GK5: variants seen among roughly 807,000 people sequenced by gnomAD.
The protein encoded by GK5 is glycerol kinase 5.
GK5 carries 39 observed loss-of-function variants against 77.3 expected under a neutral mutation model. That is an observed-to-expected ratio of 0.50 (90% CI 0.39 to 0.66). The LOEUF (loss-of-function observed/expected upper bound fraction) is 0.66, where lower values mean the gene tolerates loss of function less well. Ranked by LOEUF, GK5 falls within the 30% of genes least tolerant of loss-of-function variation. The pLI is 0.00. For synonymous variants in GK5, 211 were observed against 208.0 expected (o/e 1.01, Z -0.13); for missense variants, 487 against 633.8 (o/e 0.77, Z 2.49).
chr3:142,197,329 T>C (rs1042003158), intron 5 of GK5, among the ~76,000 whole-genome samples: 2 of 152,218 alleles, frequency 1.3e-5, no homozygotes, highest in African/African-American at 4.8e-5. Flanking sequence ...AACTGTTATA[T>C]ATTTATGATG....
intron 1 of GK5, among the ~76,000 whole-genome samples, chr3:142,220,957 G>C (rs929591130): frequency 6.6e-6 from 1 of 152,168 alleles, no homozygotes; most frequent in Non-Finnish European, 1.5e-5. Flanking sequence ...GAGAACGTAA[G>C]AGATTTATTT....
At chr3:142,211,601 A>G (rs1279193730) in intron 3 of GK5, among the ~76,000 whole-genome samples, 9 of 152,166 alleles carry the variant, frequency 5.9e-5, no homozygotes, top group Non-Finnish European at 1.0e-4. Context: ...AGAACAGTCT[A>G]GGCAACATGG....
chr3:142,178,667 A>G (rs1204714015), intron 11 of GK5, among the ~76,000 whole-genome samples: 1 of 152,250 alleles, frequency 6.6e-6, no homozygotes, highest in African/African-American at 2.4e-5. Flanking sequence ...TTATTCTATT[A>G]GTGATATACA....
intron 5 of GK5, among the ~76,000 whole-genome samples, chr3:142,189,265 T>C (rs2063816353): frequency 1.3e-5 from 2 of 151,922 alleles, no homozygotes; most frequent in African/African-American, 4.8e-5. Flanking sequence ...GAAAAGCAAA[T>C]GGAAACATTT....
chr3:142,203,698 C>T (rs920583129), intron 4 of GK5, among the ~76,000 whole-genome samples: 3 of 152,126 alleles, frequency 2.0e-5, no homozygotes, highest in Non-Finnish European at 2.9e-5. Flanking sequence ...CACGTGAACC[C>T]AGGAGGCAGA....
intron 6 of GK5, among the ~76,000 whole-genome samples, chr3:142,186,718 C>T (rs1232133728): frequency 6.6e-6 from 1 of 150,986 alleles, no homozygotes; most frequent in Non-Finnish European, 1.5e-5. Context: ...GCAACCTCTG[C>T]CTCCCGGGTT....
At position 142,186,286 on chromosome 3, in the gene GK5, C is replaced by T; in HGVS notation, c.682-19G>A. On this transcript the variant is annotated intron_variant, in intron 7 of 15. Transcript: ENST00000392993. ...AACACATCTGAGCATAAAAACGTAT[C>T]ATCAGAATATACATATTTACATATA... The T allele has an allele frequency of 1.3e-6, 2 of 1,506,672 alleles. No individual in the cohort carries two copies. The highest frequency in any genetic ancestry group is 1.8e-6 in the Non-Finnish European group (2 of 1,083,480). 93.3% of individuals were successfully genotyped at this position (1,506,672 alleles called of 1,614,324 possible). A position where few individuals can be genotyped will look rare whatever the true frequency, so the allele number is the denominator to read the frequency against.
intron 12 of GK5, chr3:142,173,132 T>C: frequency 2.4e-6 from 1 of 416,748 alleles, no homozygotes; most frequent in Non-Finnish European, 4.7e-6. Flanking sequence ...GCCCAGGGGT[T>C]TGAGGCTGCA....
intron 1 of GK5, among the ~76,000 whole-genome samples, chr3:142,220,952 C>T (rs963081934): frequency 7.2e-5 from 11 of 152,052 alleles, no homozygotes; most frequent in Admixed American, 6.6e-4. Context: ...AGAAAGAGAA[C>T]GTAAGAGATT....
chr3:142,181,532 T>G lies in GK5; in HGVS notation c.977A>C (p.Gln326Pro). The change falls in exon 11 of 16, where the codon CAA (glutamine) becomes CCA (proline). Residue 326 changes from glutamine (Q) to proline (P), a missense_variant. By Grantham distance (76) the Gln-to-Pro change is moderately conservative (BLOSUM62 -1). Coordinates refer to ENST00000392993, the MANE Select transcript of GK5 (RefSeq NM_001039547.3). ...GCTTTCAGCTAAGCATACGACTTCT[T>G]GCCCAATCTTCCACCCAATTAATGG... ...FYPLIGWKIG[Q>P]EVVCLAESNA... 6.2e-7 allele frequency: 1 copy of G among 1,613,602 alleles called. No homozygotes were observed. Among genetic ancestry groups the G allele is most frequent in the Non-Finnish European group, 8.5e-7 (1 of 1,179,750 alleles).
rs1237695993 is a variant in GK5 at position 142,160,306 on chromosome 3, T to G, written c.*5316A>C. On this transcript the variant is annotated 3_prime_UTR_variant, in exon 16 of 16. Transcript: ENST00000392993. ...CGCTTATCCTGGGGCTTTTAATTCTTACTGAAAATCATAGTCTAAATTTCC... is the reference window on the plus strand; with the variant it reads ...CGCTTATCCTGGGGCTTTTAATTCTGACTGAAAATCATAGTCTAAATTTCC... 3 of 152,214 alleles carry G rather than the reference T, an allele frequency of 2.0e-5. No homozygotes were observed. Among genetic ancestry groups the G allele is most frequent in the African/African-American group, 7.2e-5 (3 of 41,450 alleles). The allele number at this position is 152,214 out of a possible 1,614,324, so 9.4% of individuals were successfully genotyped here.
At chr3:142,215,958 T>C (rs1296672508) in intron 1 of GK5, among the ~76,000 whole-genome samples, 2 of 152,134 alleles carry the variant, frequency 1.3e-5, no homozygotes, top group African/African-American at 4.8e-5. Flanking sequence ...GAAGGTGTGT[T>C]TTTAAAATAA....
intron 5 of GK5, among the ~76,000 whole-genome samples, chr3:142,198,137 A>C (rs939774312): frequency 6.6e-6 from 1 of 152,228 alleles, no homozygotes; most frequent in African/African-American, 2.4e-5. Flanking sequence ...CATAACAGCT[A>C]AAAACAGGAA....
At chr3:142,212,410 C>A (rs1193120482) in intron 3 of GK5, among the ~76,000 whole-genome samples, 1 of 152,044 alleles carries the variant, frequency 6.6e-6, no homozygotes, top group Non-Finnish European at 1.5e-5. Flanking sequence ...TTGGAGTGCA[C>A]CTGTAGTCCC....
Position 142,225,424 on chromosome 3 carries a change from C to T in GK5, c.32G>A (p.Arg11Lys). ...GCCGGGGTACCGCGGCTCCTGCGCT[C>T]TCTGCTCCGGGTCCGTGAGCAGCCC... is the stretch of plus-strand genomic sequence containing the variant. The part of the protein sequence containing the change: MSGLLTDPEQ[R>K]AQEPRYPGFV... Residue 11 changes from arginine to lysine, a missense_variant, in exon 1 of 16, where the codon AGA (arginine) becomes AAA (lysine). By Grantham distance (26) the Arg-to-Lys change is conservative. Around this residue, in one of 4 missense-constraint regions of GK5, gnomAD observed 97 missense variants for 86.9 expected, o/e 1.12. Transcript: ENST00000392993. The T allele has an allele frequency of 3.1e-6, 5 of 1,602,216 alleles. No individual in the cohort carries two copies. In the Middle Eastern group the frequency reaches 6.7e-4, roughly 213 times the overall value.
chr3:142,192,567 C>T (rs1303446599), intron 5 of GK5, among the ~76,000 whole-genome samples: 1 of 152,106 alleles, frequency 6.6e-6, no homozygotes, highest in Non-Finnish European at 1.5e-5. Context: ...AGGTCGAGAG[C>T]AGCCTGGCCA....
chr3:142,193,131 A>G (rs1156908177), intron 5 of GK5, among the ~76,000 whole-genome samples: 4 of 152,176 alleles, frequency 2.6e-5, no homozygotes, highest in Non-Finnish European at 4.4e-5. Context: ...CATTAATTGT[A>G]ACAGATGTAC....
intron 4 of GK5, among the ~76,000 whole-genome samples, chr3:142,199,676 A>G (rs1280931955): frequency 1.3e-5 from 2 of 152,010 alleles, no homozygotes; most frequent in East Asian, 3.8e-4. Context: ...CTAATGATCA[A>G]AGATAAGACA....
intron 14 of GK5, among the ~76,000 whole-genome samples, chr3:142,170,774 T>C (rs1357292382): frequency 1.4e-5 from 2 of 142,672 alleles, no homozygotes; most frequent in Non-Finnish European, 3.0e-5. Flanking sequence ...GTCGAGAAGT[T>C]TGATGCTTAC....
Sources: allele counts gnomAD v4.1 joint callset (sites outside exome capture counted in the v4.1 genomes callset), GRCh38; gene constraint gnomAD v4.1.1; regional missense constraint gnomAD v4.1.1; transcripts MANE v1.5; gene names NCBI Gene and HGNC (gene_info 2026-07-23, HGNC 2026-07-21).